TMEM272: variants seen among roughly 807,000 people sequenced by gnomAD.
TMEM272 encodes transmembrane protein 272.
In TMEM272, 8 loss-of-function variants were observed where a neutral mutation model predicts 3.7. The observed-to-expected ratio is 2.17, with a 90% CI of 1.27 to 3.91. TMEM272 has a LOEUF of 3.91. Ranked by LOEUF, TMEM272 falls within the 30% of genes most tolerant of loss-of-function variation. The pLI, the probability that TMEM272 is intolerant of heterozygous loss-of-function variation, is 0.00. For missense variants in TMEM272, 166 were observed against 91.5 expected (o/e 1.81, Z -3.32); for synonymous variants, 63 against 39.8 (o/e 1.58, Z -2.20).
the TMEM272 span, among the ~76,000 whole-genome samples, chr13:51,868,247 C>A: frequency 6.6e-6 from 1 of 152,256 alleles, no homozygotes; most frequent in East Asian, 1.9e-4. Flanking sequence ...CCGTCCAGTG[C>A]GGGAGAGTCA....
the TMEM272 span, among the ~76,000 whole-genome samples, chr13:51,861,515 T>A: frequency 2.0e-5 from 3 of 152,100 alleles, no homozygotes; most frequent in Non-Finnish European, 2.9e-5. Flanking sequence ...AAAAAATCCA[T>A]GAACTTGTAA....
rs563938757 is a variant in TMEM272 at position 51,826,582 on chromosome 13, C to T, written c.102G>A (p.Leu34=). 1.9e-5 allele frequency: 13 copies of T among 702,562 alleles called. No individual in the cohort carries two copies. The South Asian group carries it at 1.9e-4, about 10-fold the overall frequency. The allele number at this position is 702,562 out of a possible 1,614,324, so 43.5% of individuals were successfully genotyped here. The part of the protein sequence containing the change: ...VVLCAFLALP[L]SMTFIGMKFL... ...GCAGCTTACCTATGAAGGTCATGGACAGCGGCAGAGCCAGGAAAGCACAGA... is the reference window on the plus strand; with the variant it reads ...GCAGCTTACCTATGAAGGTCATGGATAGCGGCAGAGCCAGGAAAGCACAGA... Residue 34 remains leucine (L), a synonymous_variant, in exon 3 of 5, where the codon CTG becomes CTA. Transcript: ENST00000629372.
chr13:51,871,839 CACACA>C, the TMEM272 span, among the ~76,000 whole-genome samples: 1 of 118,132 alleles, frequency 8.5e-6, no homozygotes, highest in Non-Finnish European at 1.8e-5. Context: ...CACACACACA[CACACA>C]AACAGAGACG....
chr13:51,837,614 T>C (rs1365793584), intron 2 of TMEM272, among the ~76,000 whole-genome samples: 2 of 152,252 alleles, frequency 1.3e-5, no homozygotes, highest in Non-Finnish European at 2.9e-5. Flanking sequence ...ATTTACCTGC[T>C]TAGTCAGCCA....
the TMEM272 span, chr13:51,908,435 T>C: frequency 6.6e-7 from 1 of 1,505,292 alleles, no homozygotes; most frequent in Non-Finnish European, 9.2e-7. Flanking sequence ...GAAAATAATC[T>C]GGAGAAGCTC....
the TMEM272 span, among the ~76,000 whole-genome samples, chr13:51,917,056 G>C: frequency 6.6e-6 from 1 of 152,166 alleles, no homozygotes; most frequent in Admixed American, 6.5e-5. Flanking sequence ...AGCCCTAGCT[G>C]CCCATCTGCT....
At chr13:51,822,685 T>C (rs536283793) in intron 3 of TMEM272, among the ~76,000 whole-genome samples, 1 of 152,270 alleles carries the variant, frequency 6.6e-6, no homozygotes, top group Admixed American at 6.5e-5. Flanking sequence ...ATGATAACCA[T>C]TGACCATGCC....
the TMEM272 span, chr13:51,909,747 T>C: frequency 6.4e-7 from 1 of 1,559,914 alleles, no homozygotes; most frequent in Non-Finnish European, 8.8e-7. Flanking sequence ...CATTTCTAAT[T>C]CCAAGTTACC....
chr13:51,907,183 G>T, the TMEM272 span, among the ~76,000 whole-genome samples: 2 of 152,144 alleles, frequency 1.3e-5, 1 homozygote, highest in Middle Eastern at 6.3e-3. Context: ...GTCTTGAACG[G>T]CCTTTGACAT....
At position 51,822,190 on chromosome 13, in the gene TMEM272, G is replaced by A. The variant is rs142164133; in HGVS notation, c.119-53C>T. ...AGAGAAATACATTCGAGAGCACAAA[G>A]CCCAGTTTTGAAAATGAGTGGAACA... On this transcript the variant is annotated intron_variant, in intron 3 of 4. Transcript: ENST00000629372. 172 of 647,056 alleles carry A rather than the reference G, an allele frequency of 2.7e-4. 3 individuals are homozygous for A. The African/African-American group carries it at 2.9e-3, about 11-fold the overall frequency. The allele number at this position is 647,056 out of a possible 1,614,324, so 40.1% of individuals were successfully genotyped here. A position where few individuals can be genotyped will look rare whatever the true frequency, so the allele number is the denominator to read the frequency against.
chr13:51,908,317 G>C, the TMEM272 span: 1 of 1,294,344 alleles, frequency 7.7e-7, no homozygotes, highest in Non-Finnish European at 1.1e-6. Context: ...GGGTGGGGGT[G>C]GGGGCAAAAT....
At chr13:51,845,181 T>C, upstream of TMEM272, 1 of 152,506 alleles carries the variant, frequency 6.6e-6, no homozygotes, top group Non-Finnish European at 1.5e-5. Context: ...AACTCGTGGC[T>C]TTTCCTCTAA....
In TMEM272 at chr13:51,845,103, C is replaced by T. The variant is rs1349214484; in HGVS notation, c.-111G>A. 6.6e-6 allele frequency: 1 copy of T among 152,436 alleles called. No individual in the cohort carries two copies. Among genetic ancestry groups the T allele is most frequent in the East Asian group, 1.9e-4 (1 of 5,188 alleles). 9.4% of individuals were successfully genotyped at this position (152,436 alleles called of 1,614,324 possible). ...CCAGGGCTGCCTCTGTGGGGCTCCT[C>T]TTGACTTGGGGCTCCCACTCCCTGT... On this transcript the variant is annotated 5_prime_UTR_variant, in exon 1 of 5. Coordinates refer to ENST00000629372, the MANE Select transcript of TMEM272 (RefSeq NM_001351003.2).
Position 51,838,461 on chromosome 13 carries a change from G to A in TMEM272, c.58+12C>T, listed in dbSNP as rs747186900. ...CTACAAAACCAGGGCATTTCTCAGA[G>A]TTGTGACTCACCATTGCTGGCGATT... On this transcript the variant is annotated intron_variant, in intron 2 of 4. Coordinates refer to ENST00000629372, the MANE Select transcript of TMEM272 (RefSeq NM_001351003.2). 2 of 702,908 alleles carry A rather than the reference G, an allele frequency of 2.8e-6. No homozygotes were observed. The highest frequency in any genetic ancestry group is 2.7e-5 in the East Asian group (1 of 37,302). The allele number at this position is 702,908 out of a possible 1,614,324, so 43.5% of individuals were successfully genotyped here.
chr13:51,931,822 C>G, the TMEM272 span, among the ~76,000 whole-genome samples: 2 of 151,938 alleles, frequency 1.3e-5, no homozygotes, highest in African/African-American at 4.8e-5. Context: ...GCGGGGCTGG[C>G]CATCTAGCTA....
the TMEM272 span, among the ~76,000 whole-genome samples, chr13:51,897,362 A>ATTTTTTTTTTTTTTTTTTT: frequency 2.4e-5 from 2 of 82,408 alleles, no homozygotes; most frequent in African/African-American, 4.1e-5. Flanking sequence ...TGTCTGGCTA[A>ATTTTTTTTTTTTTTTTTTT]TTTTTTTTTT....
In TMEM272 at chr13:51,816,829, A is replaced by G; in HGVS notation, c.486T>C (p.Thr162=). 1 of 703,078 alleles carries G rather than the reference A, an allele frequency of 1.4e-6. No homozygotes were observed. Among genetic ancestry groups the G allele is most frequent in the East Asian group, 2.7e-5 (1 of 37,292 alleles). 43.6% of individuals were successfully genotyped at this position (703,078 alleles called of 1,614,324 possible). ...FAVGVLALSH[T]VLVLLLLCSG... ...TGCACAGCAGGAGCAAGACCAGCAC[A>G]GTGTGACTGAGCGCCAGGACTCCGA... The change falls in exon 5 of 5, where the codon ACT becomes ACC. Residue 162 remains threonine, a synonymous_variant. Coordinates refer to ENST00000629372, the MANE Select transcript of TMEM272 (RefSeq NM_001351003.2).
intron 2 of TMEM272, among the ~76,000 whole-genome samples, chr13:51,830,181 A>G (rs1019913434): frequency 2.0e-5 from 3 of 152,306 alleles, no homozygotes; most frequent in Admixed American, 6.5e-5. Context: ...TAAAACTTGC[A>G]CTAAATTAGT....
chr13:51,899,669 T>C, the TMEM272 span, among the ~76,000 whole-genome samples: 1 of 152,164 alleles, frequency 6.6e-6, no homozygotes. Flanking sequence ...AATATAAAAA[T>C]GCAAGGGATC....
Sources: gnomAD v4.1 joint callset for allele counts (sites outside exome capture counted in the v4.1 genomes callset) on GRCh38, gnomAD v4.1.1 for gene constraint, MANE v1.5 for transcripts, NCBI Gene and HGNC (gene_info 2026-07-23, HGNC 2026-07-21) for gene names.